The following TAFA1 variants were observed in gnomAD, a reference collection of about 807,000 sequenced individuals.
TAFA1 encodes the protein chemokine-like protein TAFA-1.
In TAFA1, 4 loss-of-function variants were observed where a neutral mutation model predicts 18.5. The ratio of observed to expected loss-of-function variants is 0.22; its 90% CI spans 0.11 to 0.49. TAFA1 has a LOEUF of 0.49. Ranked by LOEUF, TAFA1 falls within the 20% of genes least tolerant of loss-of-function variation. The pLI is 0.98. For synonymous variants in TAFA1, 56 were observed against 55.2 expected, an observed-to-expected ratio of 1.01 and a Z score of -0.06; for missense variants, 147 against 169.0, an observed-to-expected ratio of 0.87 and a Z score of 0.72.
At chr3:68,351,680 T>C (rs1465379405) in intron 2 of TAFA1, among the ~76,000 whole-genome samples, 1 of 151,976 alleles carries the variant, frequency 6.6e-6, no homozygotes, top group Non-Finnish European at 1.5e-5. Flanking sequence ...GGTAGCAATT[T>C]AAGGGAGAAG....
At chr3:68,067,972 C>CA (rs940041292) in intron 2 of TAFA1, among the ~76,000 whole-genome samples, 8 of 151,372 alleles carry the variant, frequency 5.3e-5, no homozygotes, top group East Asian at 1.9e-4. Flanking sequence ...AAAAACAAGA[C>CA]AAAAAAAAAG....
intron 2 of TAFA1, among the ~76,000 whole-genome samples, chr3:68,080,438 G>T (rs2064882178): frequency 6.6e-6 from 1 of 152,034 alleles, no homozygotes; most frequent in African/African-American, 2.4e-5. Flanking sequence ...GCATGATTTT[G>T]CAATGGCTGG....
At chr3:68,333,592 A>C (rs1467582509) in intron 2 of TAFA1, among the ~76,000 whole-genome samples, 1 of 152,184 alleles carries the variant, frequency 6.6e-6, no homozygotes, top group African/African-American at 2.4e-5. Flanking sequence ...CTATATAAAA[A>C]ACCTGCACAT....
At chr3:68,274,802 A>C (rs553178594) in intron 2 of TAFA1, among the ~76,000 whole-genome samples, 2 of 152,280 alleles carry the variant, frequency 1.3e-5, no homozygotes, top group East Asian at 3.9e-4. Context: ...CTTTAATTTA[A>C]TGAGATGCGA....
chr3:68,008,121 A>G (rs368088574), intron 2 of TAFA1, among the ~76,000 whole-genome samples: 1 of 152,208 alleles, frequency 6.6e-6, no homozygotes, highest in African/African-American at 2.4e-5. Context: ...CTGACAGGGA[A>G]GGCGAGGGGG....
intron 2 of TAFA1, among the ~76,000 whole-genome samples, chr3:68,197,197 C>T (rs2066420478): frequency 1.3e-5 from 2 of 151,690 alleles, no homozygotes; most frequent in Admixed American, 1.3e-4. Context: ...ATTGCCAATA[C>T]AGGTTTATTT....
At chr3:68,368,067 G>T (rs959303399) in intron 2 of TAFA1, among the ~76,000 whole-genome samples, 1 of 152,072 alleles carries the variant, frequency 6.6e-6, no homozygotes, top group African/African-American at 2.4e-5. Flanking sequence ...TGAAAAATAA[G>T]CCATTCTACG....
intron 2 of TAFA1, among the ~76,000 whole-genome samples, chr3:68,392,534 C>G (rs912937451): frequency 2.0e-5 from 3 of 152,160 alleles, no homozygotes; most frequent in African/African-American, 7.2e-5. Flanking sequence ...GCAGAACCCT[C>G]CATCTCAAAT....
intron 2 of TAFA1, among the ~76,000 whole-genome samples, chr3:68,067,722 C>CT (rs2064698355): frequency 5.9e-5 from 9 of 152,022 alleles, no homozygotes; most frequent in Admixed American, 5.9e-4. Context: ...TCCATTCTTC[C>CT]TTTTTCCTTT....
intron 2 of TAFA1, among the ~76,000 whole-genome samples, chr3:68,344,612 C>T (rs767451087): frequency 9.9e-5 from 15 of 152,084 alleles, no homozygotes; most frequent in Non-Finnish European, 1.3e-4. Flanking sequence ...CAAGTAACCT[C>T]GATTCTAGCC....
At chr3:68,014,230 G>T (rs1704527882) in intron 2 of TAFA1, among the ~76,000 whole-genome samples, 1 of 152,072 alleles carries the variant, frequency 6.6e-6, no homozygotes, top group Non-Finnish European at 1.5e-5. Flanking sequence ...ACAGGCAGGG[G>T]GTAAAGCACC....
chr3:68,179,381 A>T (rs956766678), intron 2 of TAFA1, among the ~76,000 whole-genome samples: 2 of 152,242 alleles, frequency 1.3e-5, no homozygotes, highest in Admixed American at 6.5e-5. Flanking sequence ...TTACAGAATG[A>T]AAGTGGAATT....
intron 2 of TAFA1, among the ~76,000 whole-genome samples, chr3:68,303,338 C>G (rs569695969): frequency 6.6e-6 from 1 of 152,102 alleles, no homozygotes; most frequent in African/African-American, 2.4e-5. Context: ...AAAGGAGGAG[C>G]TTTTGGTTGA....
intron 2 of TAFA1, among the ~76,000 whole-genome samples, chr3:68,340,601 T>G (rs1159557606): frequency 6.6e-6 from 1 of 150,886 alleles, no homozygotes; most frequent in Non-Finnish European, 1.5e-5. Context: ...TCTGTGTATT[T>G]TCCTCTCCCA....
intron 2 of TAFA1, among the ~76,000 whole-genome samples, chr3:68,127,437 A>T (rs2065476970): frequency 1.3e-5 from 2 of 151,922 alleles, no homozygotes; most frequent in Non-Finnish European, 2.9e-5. Context: ...TTTTGGTTAT[A>T]ATGTTGTAAT....
At chr3:68,152,754 A>G (rs1038105710) in intron 2 of TAFA1, among the ~76,000 whole-genome samples, 3 of 152,132 alleles carry the variant, frequency 2.0e-5, no homozygotes, top group Non-Finnish European at 4.4e-5. Flanking sequence ...GGCCCCCACC[A>G]TCTCCAGGCT....
intron 3 of TAFA1, among the ~76,000 whole-genome samples, chr3:68,449,918 C>T (rs554423467): frequency 6.6e-6 from 1 of 152,352 alleles, no homozygotes; most frequent in Admixed American, 6.5e-5. Context: ...CTTACTCTAG[C>T]CTGCTCTTCT....
At chr3:68,304,814 G>A (rs1014982337) in intron 2 of TAFA1, among the ~76,000 whole-genome samples, 4 of 152,126 alleles carry the variant, frequency 2.6e-5, no homozygotes, top group Admixed American at 2.6e-4. Flanking sequence ...CACGGAAAAT[G>A]TTGTCCAAGG....
chr3:68,061,532 G>A (rs1227425301), intron 2 of TAFA1, among the ~76,000 whole-genome samples: 3 of 152,192 alleles, frequency 2.0e-5, no homozygotes, highest in Non-Finnish European at 2.9e-5. Context: ...CAGAATTAAA[G>A]AGGGTACAGG....
Sources: gnomAD v4.1 joint callset for allele counts (sites outside exome capture counted in the v4.1 genomes callset) on GRCh38, gnomAD v4.1.1 for gene constraint, MANE v1.5 for transcripts, NCBI Gene and HGNC (gene_info 2026-07-23, HGNC 2026-07-21) for gene names.